Variants in TMEM87A observed in about 807,000 individuals in gnomAD.
The protein encoded by TMEM87A is transmembrane protein 87A.
In TMEM87A, 50 loss-of-function variants were observed where a neutral mutation model predicts 90.0. That is an observed-to-expected ratio of 0.56 (90% confidence interval 0.44 to 0.70). TMEM87A has a LOEUF of 0.70. Ranked by LOEUF, TMEM87A falls within the 30% of genes least tolerant of loss-of-function variation. TMEM87A has a pLI of 0.00. For synonymous variants in TMEM87A, 226 were observed against 226.7 expected (o/e 1.00, Z 0.03); for missense variants, 577 against 660.5 (o/e 0.87, Z 1.39).
rs8030716 is a variant in TMEM87A, at chr15:42,261,952, T to C, written c.406-703A>G. On this transcript the variant is annotated intron_variant, in intron 4 of 19. Coordinates refer to ENST00000389834, the MANE Select transcript of TMEM87A (RefSeq NM_015497.5). ...CCCGGCCTAAACCTAATATTCTTGA[T>C]GCTTAGGTCTGCTGTCCCTTCCACC... 1.2e-3 allele frequency among the ~76,000 whole-genome samples: 186 copies of C among 152,304 alleles called. 1 individual carries two copies. The highest frequency in any genetic ancestry group is 3.4e-3 in the Middle Eastern group (1 of 294).
intron 15 of TMEM87A, among the ~76,000 whole-genome samples, chr15:42,220,745 G>A (rs1167052794): frequency 6.6e-6 from 1 of 152,110 alleles, no homozygotes; most frequent in Non-Finnish European, 1.5e-5. Flanking sequence ...TCCCAGACAT[G>A]TAATTCCTAG....
chr15:42,236,470 GC>G, intron 9 of TMEM87A, 51 bp from the exon 10 acceptor site: 1 of 1,500,972 alleles, frequency 6.7e-7, no homozygotes, highest in Non-Finnish European at 9.3e-7. Flanking sequence ...TTGGCAACAG[GC>G]CAGATGCCAA....
chr15:42,272,181 T>A, intron 1 of TMEM87A, 58 bp from the exon 2 acceptor site: 1 of 1,246,132 alleles, frequency 8.0e-7, no homozygotes, highest in Non-Finnish European at 1.2e-6. Flanking sequence ...CAAAGCATCA[T>A]ATAACTATCT....
intron 6 of TMEM87A, chr15:42,258,466 G>A (rs1273091589): frequency 1.9e-6 from 1 of 540,228 alleles, no homozygotes; most frequent in Non-Finnish European, 2.4e-6. Flanking sequence ...CTCACTGGCT[G>A]CCCAGGCTGG....
chr15:42,250,227 C>T (rs914634043), intron 6 of TMEM87A, among the ~76,000 whole-genome samples: 2 of 152,170 alleles, frequency 1.3e-5, no homozygotes, highest in Non-Finnish European at 2.9e-5. Flanking sequence ...TCCAATTTGC[C>T]AGTCTGTGTC....
rs143830530 is a variant in TMEM87A, at chr15:42,232,359, C to T, written c.1062+854G>A. ...TCCCAAGTAGCCAGGACTACAGGCA[C>T]CCACCACTGCTCCCAGCCATAAATT... is the stretch of plus-strand genomic sequence containing the variant. On this transcript the variant is annotated intron_variant, in intron 11 of 19. Coordinates refer to ENST00000389834, the MANE Select transcript of TMEM87A (RefSeq NM_015497.5). 3.9e-5 allele frequency among the ~76,000 whole-genome samples: 6 copies of T among 152,288 alleles called. No individual in the cohort carries two copies. In the East Asian group the frequency reaches 1.2e-3, roughly 29 times the overall value.
chr15:42,271,084 C>T lies in TMEM87A; in HGVS notation c.205+979G>A, dbSNP rs182816235. 2.7e-3 allele frequency among the ~76,000 whole-genome samples: 405 copies of T among 152,258 alleles called. 2 individuals carry two copies. Among genetic ancestry groups the T allele is most frequent in the African/African-American group, 9.3e-3 (388 of 41,558 alleles). On this transcript the variant is annotated intron_variant, in intron 2 of 19. Coordinates refer to ENST00000389834, the MANE Select transcript of TMEM87A (RefSeq NM_015497.5). ...CCTCATCTAGAAATAAAGCTGCCCA[C>T]GATCAATCGTTCTCTAAATTAAAGC...
At chr15:42,244,272 T>C (rs371973996) in intron 6 of TMEM87A, 105 bp from the exon 7 acceptor site, 4 of 708,060 alleles carry the variant, frequency 5.6e-6, no homozygotes, top group Non-Finnish European at 4.7e-6. Context: ...AGAAATATGG[T>C]AAAGTCCTTC....
Position 42,228,701 on chromosome 15 carries a change from C to T in TMEM87A, c.1240+11G>A, listed in dbSNP as rs866474316. ...CACATTTGAACTCCAAGAAGAAAGT[C>T]CCAGACTTACCTGCCACTGCCAAAA... On this transcript the variant is annotated intron_variant, in intron 13 of 19. Transcript: ENST00000389834. The T allele has an allele frequency of 6.2e-7, 1 of 1,609,788 alleles. No individual in the cohort carries two copies.
intron 6 of TMEM87A, among the ~76,000 whole-genome samples, chr15:42,259,993 G>A (rs188676762): frequency 3.6e-4 from 36 of 100,338 alleles, no homozygotes; most frequent in Middle Eastern, 8.5e-3. Flanking sequence ...TACTTTTGGG[G>A]ATGAACAATT....
rs768963334 is a variant in TMEM87A at position 42,219,563 on chromosome 15, T to C, written c.1539+18A>G. The C allele has an allele frequency of 1.9e-6, 3 of 1,581,450 alleles. No homozygotes were observed. Among genetic ancestry groups the C allele is most frequent in the South Asian group, 2.3e-5 (2 of 85,962 alleles). ...AGATGGGACAAAGAACAAAGACAAA[T>C]GGAAAAGTCATACTTACTGCTTTGT... On this transcript the variant is annotated intron_variant, in intron 17 of 19. Transcript: ENST00000389834.
chr15:42,257,565 ACT>A (rs1051619093), intron 6 of TMEM87A, among the ~76,000 whole-genome samples: 16 of 152,068 alleles, frequency 1.1e-4, no homozygotes, highest in Admixed American at 3.3e-4. Context: ...AAAGACACTC[ACT>A]CTCACTTTCT....
intron 3 of TMEM87A, 122 bp downstream of exon 3, chr15:42,267,825 G>A (rs2051435514): frequency 7.9e-6 from 5 of 635,460 alleles, no homozygotes; most frequent in Non-Finnish European, 1.0e-5. Context: ...TGGGAAGCAT[G>A]CATTCTAGTT....
chr15:42,255,936 A>ATTTTTTTTT (rs10632070), intron 6 of TMEM87A, among the ~76,000 whole-genome samples: 1 of 140,552 alleles, frequency 7.1e-6, no homozygotes. Flanking sequence ...CACCCAGCTA[A>ATTTTTTTTT]TTTTTTTTTT....
At chr15:42,248,863 C>T (rs936533656) in intron 6 of TMEM87A, among the ~76,000 whole-genome samples, 2 of 152,134 alleles carry the variant, frequency 1.3e-5, no homozygotes, top group Non-Finnish European at 2.9e-5. Flanking sequence ...GGAATGGTAC[C>T]AGCTCCTCTT....
intron 6 of TMEM87A, among the ~76,000 whole-genome samples, chr15:42,250,998 A>T (rs1379725397): frequency 6.6e-6 from 1 of 151,976 alleles, no homozygotes; most frequent in East Asian, 1.9e-4. Context: ...TTGATTTTCA[A>T]TCACTGATAC....
chr15:42,211,111 G>C lies in TMEM87A; in HGVS notation c.*597C>G, dbSNP rs966740962. 2 of 150,410 alleles carry C rather than the reference G, an allele frequency of 1.3e-5. No individual in the cohort carries two copies. The highest frequency in any genetic ancestry group is 4.9e-5 in the African/African-American group (2 of 40,910). 9.3% of individuals were successfully genotyped at this position (150,410 alleles called of 1,614,324 possible). A position where few individuals can be genotyped will look rare whatever the true frequency, so the allele number is the denominator to read the frequency against. On this transcript the variant is annotated 3_prime_UTR_variant, in exon 20 of 20. Transcript: ENST00000389834. ...TGCACTTGATTTTGCTTTTTTAAATGATCTGAATCATACTGTAACAGTTTC... is the reference window on the plus strand; with the variant it reads ...TGCACTTGATTTTGCTTTTTTAAATCATCTGAATCATACTGTAACAGTTTC...
At chr15:42,266,657 T>C (rs189601174) in intron 3 of TMEM87A, among the ~76,000 whole-genome samples, 20 of 152,352 alleles carry the variant, frequency 1.3e-4, no homozygotes, top group African/African-American at 4.8e-4. Context: ...AGTCATATTC[T>C]TCATAGTCAC....
intron 15 of TMEM87A, among the ~76,000 whole-genome samples, chr15:42,225,831 C>T (rs1019843686): frequency 1.3e-5 from 2 of 152,078 alleles, no homozygotes; most frequent in Non-Finnish European, 2.9e-5. Context: ...GCCACCGTGC[C>T]TGGTTGACAC....
Sources: gnomAD v4.1 joint callset for allele counts (sites outside exome capture counted in the v4.1 genomes callset) on GRCh38, gnomAD v4.1.1 for gene constraint, MANE v1.5 for transcripts, NCBI Gene and HGNC (gene_info 2026-07-23, HGNC 2026-07-21) for gene names.